The following CDK15 variants were observed in gnomAD, a reference collection of about 807,000 sequenced individuals.
CDK15 encodes the protein cyclin-dependent kinase 15.
CDK15 carries 62 observed loss-of-function variants against 60.3 expected under a neutral mutation model. That is an observed-to-expected ratio of 1.03 (90% CI 0.84 to 1.27). The LOEUF (loss-of-function observed/expected upper bound fraction) is 1.27. Among genes scored for constraint, CDK15 ranks in the 50% most tolerant of loss-of-function variants. CDK15 has a pLI of 0.00. For synonymous variants in CDK15, 194 were observed against 195.7 expected (o/e 0.99, Z 0.07); for missense variants, 541 against 527.8 (o/e 1.03, Z -0.25).
chr2:201,826,090 G>T (rs1696473579), intron 6 of CDK15, among the ~76,000 whole-genome samples: 1 of 152,202 alleles, frequency 6.6e-6, no homozygotes, highest in Non-Finnish European at 1.5e-5. Flanking sequence ...TAGGACACTT[G>T]TGTAGAATAT....
At chr2:201,834,389 C>G (rs1696916008) in intron 7 of CDK15, among the ~76,000 whole-genome samples, 1 of 152,190 alleles carries the variant, frequency 6.6e-6, no homozygotes, top group Admixed American at 6.5e-5. Flanking sequence ...CTCCAGGACA[C>G]TTGTTCCTGC....
At chr2:201,871,325 G>A (rs1698844596) in intron 10 of CDK15, among the ~76,000 whole-genome samples, 1 of 151,800 alleles carries the variant, frequency 6.6e-6, no homozygotes, top group Non-Finnish European at 1.5e-5. Flanking sequence ...AGGCTCAGTT[G>A]TTGTTGTAGG....
At chr2:201,885,225 C>T (rs1196394112) in intron 12 of CDK15, among the ~76,000 whole-genome samples, 1 of 152,192 alleles carries the variant, frequency 6.6e-6, no homozygotes, top group African/African-American at 2.4e-5. Context: ...ACTAATCAAG[C>T]TTAGTTTCAC....
chr2:201,855,178 T>G lies in CDK15; in HGVS notation c.1009+241T>G, dbSNP rs900080303. Among the ~76,000 whole-genome samples, 2 of 152,216 alleles carry G rather than the reference T, an allele frequency of 1.3e-5. 1 individual carries two copies. Among genetic ancestry groups the G allele is most frequent in the South Asian group, 4.1e-4 (2 of 4,820 alleles). On this transcript the variant is annotated intron_variant, in intron 10 of 13. Coordinates refer to ENST00000652192, the MANE Select transcript of CDK15 (RefSeq NM_001366386.2). The stretch of plus-strand genomic sequence containing the variant: ...GTAGCAAGCTGAATAGAATTTGAAA[T>G]GACTATTACTGTGGATTCCACATCC...
At chr2:201,881,092 G>A (rs1309045114) in intron 12 of CDK15, among the ~76,000 whole-genome samples, 2 of 152,098 alleles carry the variant, frequency 1.3e-5, no homozygotes, top group African/African-American at 2.4e-5. Flanking sequence ...GTGGCGATGG[G>A]GTGCAGTGAG....
At chr2:201,825,041 G>A (rs570545331) in intron 6 of CDK15, among the ~76,000 whole-genome samples, 8 of 152,212 alleles carry the variant, frequency 5.3e-5, no homozygotes, top group East Asian at 1.9e-4. Flanking sequence ...TTAGCCTGGC[G>A]CGGTGGCTCA....
rs1699222809 is a variant in CDK15 at position 201,880,141 on chromosome 2, C to A, written c.1172C>A (p.Pro391Gln). The A allele has an allele frequency of 1.2e-6, 2 of 1,613,928 alleles. No homozygotes were observed. The highest frequency in any genetic ancestry group is 1.7e-5 in the Admixed American group (1 of 59,982). Residue 391 changes from proline to glutamine, a missense_variant, in exon 12 of 14, where the codon CCA becomes CAA. Physicochemically the swap from Pro to Gln is moderately conservative, Grantham distance 76 (BLOSUM62 -1). Transcript: ENST00000652192. ...GTTCATGATTATTTCAGCGCCCTGC[C>A]ATCTCAGCTGTACCAGCTTCCTGAT... ...ALVHDYFSAL[P>Q]SQLYQLPDEE...
At chr2:201,860,664 G>A in intron 10 of CDK15, 1 of 1,339,146 alleles carries the variant, frequency 7.5e-7, no homozygotes, top group Non-Finnish European at 9.9e-7. Context: ...ACCAGAATCA[G>A]ATGTACCATA....
chr2:201,860,299 A>C (rs1377801264), intron 10 of CDK15, among the ~76,000 whole-genome samples: 1 of 152,232 alleles, frequency 6.6e-6, no homozygotes, highest in East Asian at 1.9e-4. Context: ...ACATCTAGAT[A>C]CTGGGGGTCA....
chr2:201,823,875 C>A, intron 6 of CDK15, 148 bp downstream of exon 6: 3 of 632,352 alleles, frequency 4.7e-6, no homozygotes, highest in African/African-American at 1.9e-5. Flanking sequence ...GTTTTGTTTT[C>A]GTTTTTGTTT....
chr2:201,828,902 T>G (rs1696626445), intron 6 of CDK15, among the ~76,000 whole-genome samples: 1 of 152,192 alleles, frequency 6.6e-6, no homozygotes, highest in South Asian at 2.1e-4. Flanking sequence ...TAATCATGCC[T>G]TGGTCTTTCC....
intron 8 of CDK15, among the ~76,000 whole-genome samples, chr2:201,840,663 A>G (rs1223322052): frequency 6.6e-6 from 1 of 152,150 alleles, no homozygotes; most frequent in Non-Finnish European, 1.5e-5. Context: ...TGGGGATGTG[A>G]TTCTAGACTG....
chr2:201,826,353 A>C (rs1010081785), intron 6 of CDK15, among the ~76,000 whole-genome samples: 2 of 148,264 alleles, frequency 1.3e-5, no homozygotes, highest in African/African-American at 5.0e-5. Flanking sequence ...CCAGCTACTC[A>C]GGAGGCTGAG....
At chr2:201,825,330 A>T (rs981237573) in intron 6 of CDK15, among the ~76,000 whole-genome samples, 1 of 150,764 alleles carries the variant, frequency 6.6e-6, no homozygotes, top group Non-Finnish European at 1.5e-5. Context: ...AAAAAAAAAA[A>T]GAAATATGTA....
At chr2:201,834,050 C>A in intron 7 of CDK15, 79 bp downstream of exon 7, 1 of 1,497,026 alleles carries the variant, frequency 6.7e-7, no homozygotes. Context: ...TTGACTGGGC[C>A]TGGCCTTTGA....
At chr2:201,847,999 C>T (rs6760902) in intron 9 of CDK15, among the ~76,000 whole-genome samples, 43,180 of 151,922 alleles carry the variant, frequency 0.28, 7,421 homozygotes, top group African/African-American at 0.47. Flanking sequence ...GTGTGGCGCA[C>T]ACCTTAGTCC....
intron 8 of CDK15, among the ~76,000 whole-genome samples, chr2:201,837,869 A>C (rs1049691570): frequency 6.6e-6 from 1 of 152,210 alleles, no homozygotes; most frequent in African/African-American, 2.4e-5. Flanking sequence ...AAGCTTTTAG[A>C]TCTCCCAAAG....
chr2:201,808,538 C>T (rs1695615163), intron 3 of CDK15: 1 of 152,140 alleles, frequency 6.6e-6, no homozygotes, highest in East Asian at 1.9e-4. Context: ...AAACAACCAA[C>T]TTTGTTAAAT....
chr2:201,838,805 C>A (rs1370016334), intron 8 of CDK15, among the ~76,000 whole-genome samples: 1 of 152,206 alleles, frequency 6.6e-6, no homozygotes, highest in Non-Finnish European at 1.5e-5. Flanking sequence ...CCTTTCCCAT[C>A]AACCTGCCCC....
Sources: gnomAD v4.1 joint callset for allele counts (sites outside exome capture counted in the v4.1 genomes callset) on GRCh38, gnomAD v4.1.1 for gene constraint, MANE v1.5 for transcripts, NCBI Gene and HGNC (gene_info 2026-07-23, HGNC 2026-07-21) for gene names.